Variants in THNSL1 observed in about 807,000 individuals in gnomAD.
The protein encoded by THNSL1 is threonine synthase-like 1.
THNSL1 carries 48 observed loss-of-function variants against 50.4 expected under a neutral mutation model. The observed-to-expected ratio is 0.95, with a 90% CI of 0.76 to 1.21. The LOEUF (loss-of-function observed/expected upper bound fraction) is 1.21, where lower values mean the gene tolerates loss of function less well. THNSL1 is among the 50% of genes most tolerant of loss of function. The pLI, the probability that THNSL1 is intolerant of heterozygous loss-of-function variation, is 0.00. For missense variants in THNSL1, 896 were observed against 871.7 expected, an observed-to-expected ratio of 1.03 and a Z score of -0.35; for synonymous variants, 309 against 306.1, an observed-to-expected ratio of 1.01 and a Z score of -0.10.
chr10:24,999,734 C>T, the THNSL1 span, among the ~76,000 whole-genome samples: 3 of 152,310 alleles, frequency 2.0e-5, no homozygotes, highest in African/African-American at 7.2e-5. Context: ...AAGCTCTGCC[C>T]TAAGAAAGAG....
the THNSL1 span, among the ~76,000 whole-genome samples, chr10:25,008,281 T>C: frequency 1.1e-4 from 16 of 152,162 alleles, no homozygotes; most frequent in Middle Eastern, 3.2e-3. Context: ...TAGACTTTCT[T>C]TGAATATAAG....
At chr10:25,015,356 T>G (rs1850543400), upstream of THNSL1, among the ~76,000 whole-genome samples, 1 of 152,204 alleles carries the variant, frequency 6.6e-6, no homozygotes, top group African/African-American at 2.4e-5. Context: ...ATATTTCGTT[T>G]CACTGATCAA....
chr10:24,999,539 A>T, the THNSL1 span: 2 of 1,604,684 alleles, frequency 1.2e-6, no homozygotes, highest in Non-Finnish European at 1.7e-6. Context: ...TTAAAAATGG[A>T]TATGTACCTA....
At chr10:24,997,388 T>TC in the THNSL1 span, among the ~76,000 whole-genome samples, 1 of 151,484 alleles carries the variant, frequency 6.6e-6, no homozygotes, top group African/African-American at 2.4e-5. Flanking sequence ...TTTTTTTTTT[T>TC]TTTTTCCTCT....
the THNSL1 span, among the ~76,000 whole-genome samples, chr10:24,958,203 AAC>A: frequency 1.2e-4 from 18 of 152,324 alleles, no homozygotes; most frequent in East Asian, 9.6e-4. Context: ...TAAAAAAAAA[AAC>A]CTTTCAGTCT....
At chr10:24,988,842 C>T in the THNSL1 span, among the ~76,000 whole-genome samples, 1 of 151,604 alleles carries the variant, frequency 6.6e-6, no homozygotes, top group African/African-American at 2.4e-5. Flanking sequence ...CAGGGACATA[C>T]AACCAGATTG....
the THNSL1 span, among the ~76,000 whole-genome samples, chr10:24,958,296 ATG>A: frequency 1.3e-5 from 2 of 152,238 alleles, no homozygotes; most frequent in South Asian, 4.1e-4. Context: ...TAGAATCTGG[ATG>A]AAATCCACTG....
chr10:24,974,022 A>G, the THNSL1 span, among the ~76,000 whole-genome samples: 5 of 152,198 alleles, frequency 3.3e-5, no homozygotes, highest in African/African-American at 1.2e-4. Flanking sequence ...CCAAGGTGCT[A>G]GGATTACAGG....
At chr10:24,955,244 C>A in the THNSL1 span, among the ~76,000 whole-genome samples, 1 of 152,232 alleles carries the variant, frequency 6.6e-6, no homozygotes, top group African/African-American at 2.4e-5. Context: ...GGGAGAAATC[C>A]ACCCCCATGA....
At chr10:25,013,479 A>C (rs748178609), upstream of THNSL1, among the ~76,000 whole-genome samples, 3 of 152,240 alleles carry the variant, frequency 2.0e-5, no homozygotes, top group Non-Finnish European at 4.4e-5. Flanking sequence ...GTTGGACATG[A>C]CTGTCAAAAT....
intron 1 of THNSL1, among the ~76,000 whole-genome samples, chr10:25,017,238 C>T (rs1247784730): frequency 6.6e-6 from 1 of 152,224 alleles, no homozygotes; most frequent in Non-Finnish European, 1.5e-5. Context: ...AAATTGTCTT[C>T]TGAGAAGCGG....
At chr10:25,003,201 T>C in the THNSL1 span, among the ~76,000 whole-genome samples, 1 of 151,308 alleles carries the variant, frequency 6.6e-6, no homozygotes, top group African/African-American at 2.4e-5. Flanking sequence ...TTTATTCATT[T>C]ATTTTTTGCC....
upstream of THNSL1, among the ~76,000 whole-genome samples, chr10:25,012,102 C>T (rs1002323515): frequency 6.6e-6 from 1 of 152,256 alleles, no homozygotes; most frequent in African/African-American, 2.4e-5. Flanking sequence ...AGCCCCAAGC[C>T]TTGGTGGCTT....
intron 1 of THNSL1, among the ~76,000 whole-genome samples, chr10:25,019,642 A>T (rs936548210): frequency 6.6e-6 from 1 of 152,216 alleles, no homozygotes; most frequent in Non-Finnish European, 1.5e-5. Flanking sequence ...CAAATACTAC[A>T]CCATTTTATA....
the THNSL1 span, among the ~76,000 whole-genome samples, chr10:24,967,491 A>C: frequency 6.6e-6 from 1 of 152,158 alleles, no homozygotes; most frequent in Non-Finnish European, 1.5e-5. Context: ...TCTTTCAGTG[A>C]AGCTTTATAG....
chr10:24,965,771 T>C, the THNSL1 span, among the ~76,000 whole-genome samples: 1 of 152,256 alleles, frequency 6.6e-6, no homozygotes, highest in Non-Finnish European at 1.5e-5. Context: ...CCTTGTTCAC[T>C]AATAAGCTAC....
At chr10:24,961,690 G>T in the THNSL1 span, among the ~76,000 whole-genome samples, 4 of 152,132 alleles carry the variant, frequency 2.6e-5, no homozygotes, top group Non-Finnish European at 4.4e-5. Context: ...AAAAAAGTCA[G>T]TTTGAATTTG....
chr10:24,952,721 C>G, the THNSL1 span: 1 of 791,688 alleles, frequency 1.3e-6, no homozygotes, highest in Non-Finnish European at 1.9e-6. This position sits in a 1 kb window ranked among gnomAD's most constrained non-coding sequence, Gnocchi z 5.1. Flanking sequence ...CCCGGGCCCG[C>G]CGGCGGGAAG....
rs776527828 is a variant in THNSL1 at position 25,024,489 on chromosome 10, C to T, written c.1266C>T (p.Gly422=). The T allele has an allele frequency of 6.2e-6, 10 of 1,614,150 alleles. No homozygotes were observed. Among genetic ancestry groups the T allele is most frequent in the Non-Finnish European group, 8.5e-6 (10 of 1,180,020 alleles). Residue 422 remains glycine, a synonymous_variant, in exon 3 of 3, where the codon GGC becomes GGT. Transcript: ENST00000376356. ...VSDFQKAQII[G]SQRENGWAVG... is the part of the protein sequence containing the mutation. ...ATTTTCAAAAAGCACAAATAATTGG[C>T]AGTCAGAGAGAAAATGGATGGGCAG...
Sources: allele counts gnomAD v4.1 joint callset (sites outside exome capture counted in the v4.1 genomes callset), GRCh38; gene constraint gnomAD v4.1.1; non-coding constraint Gnocchi (gnomAD v3.1); transcripts MANE v1.5; gene names NCBI Gene and HGNC (gene_info 2026-07-23, HGNC 2026-07-21).